MYO15A: variants seen among roughly 807,000 people sequenced by gnomAD.
The protein encoded by MYO15A is myosin XVA, also known as unconventional myosin-XV.
MYO15A carries 308 observed loss-of-function variants against 394.6 expected under a neutral mutation model. That is an observed-to-expected ratio of 0.78 (90% CI 0.71 to 0.86). The LOEUF (loss-of-function observed/expected upper bound fraction) is 0.86. MYO15A is among the 40% of genes least tolerant of loss of function. MYO15A has a pLI of 0.00. For missense variants in MYO15A, 4,606 were observed against 4,799.1 expected (o/e 0.96, Z 1.19); for synonymous variants, 1,957 against 2,003.8 (o/e 0.98, Z 0.62).
intron 64 of MYO15A, 162 bp from the exon 65 acceptor site, chr17:18,173,619 G>A (rs914032849): frequency 5.7e-6 from 5 of 871,014 alleles, no homozygotes; most frequent in Non-Finnish European, 9.5e-6. Context: ...GTCCAGAGAG[G>A]TAAAGTGATT....
chr17:18,173,282 C>T (rs1454171494), intron 64 of MYO15A, among the ~76,000 whole-genome samples: 1 of 152,174 alleles, frequency 6.6e-6, no homozygotes, highest in East Asian at 1.9e-4. Context: ...AAGTTTGCTT[C>T]CTGGGCCAGA....
intron 17 of MYO15A, among the ~76,000 whole-genome samples, chr17:18,138,570 T>C (rs1008728096): frequency 1.4e-4 from 21 of 152,206 alleles, no homozygotes; most frequent in African/African-American, 5.1e-4. Flanking sequence ...GCAGTTGGCC[T>C]GGAGGGGAGG....
intron 1 of MYO15A, among the ~76,000 whole-genome samples, chr17:18,111,341 G>GAAAAAAAAAAAAAAAAAAAAAAAAAAA (rs57095827): frequency 8.4e-6 from 1 of 118,950 alleles, no homozygotes. Flanking sequence ...TCTCAAAAGA[G>GAAAAAAAAAAAAAAAAAAAAAAAAAAA]AAAAAAAAAA....
intron 61 of MYO15A, 63 bp from the exon 62 acceptor site, chr17:18,167,527 C>A: frequency 6.3e-7 from 1 of 1,597,954 alleles, no homozygotes. Flanking sequence ...CCCCAGGTCC[C>A]CTGCAGCCAA....
intron 8 of MYO15A, 26 bp from the exon 9 acceptor site, chr17:18,131,213 T>G: frequency 2.0e-6 from 3 of 1,516,186 alleles, no homozygotes; most frequent in Non-Finnish European, 2.7e-6. Flanking sequence ...AGCCCCTCAA[T>G]TCCCACATCT....
At position 18,118,970 on chromosome 17, in the gene MYO15A, C is replaced by T. The variant is rs770052089; in HGVS notation, c.170C>T (p.Ser57Leu). The T allele has an allele frequency of 1.9e-6, 3 of 1,613,070 alleles. No homozygotes were observed. Among genetic ancestry groups the T allele is most frequent in the Non-Finnish European group, 8.5e-7 (1 of 1,179,994 alleles). Residue 57 changes from serine to leucine, a missense_variant, in exon 2 of 66, where the codon TCG (serine) becomes TTG (leucine). Physicochemically the swap from Ser to Leu is moderately radical, Grantham distance 145. Coordinates refer to ENST00000647165, the MANE Select transcript of MYO15A (RefSeq NM_016239.4). ...ISKKGQFRSA[S>L]AFFWGLHTGP... ...AAGAAGGGCCAGTTCCGCAGCGCCTCGGCCTTCTTCTGGGGCCTCCACACC... is the reference window on the plus strand; with the variant it reads ...AAGAAGGGCCAGTTCCGCAGCGCCTTGGCCTTCTTCTGGGGCCTCCACACC...
At position 18,120,914 on chromosome 17, in the gene MYO15A, C is replaced by A; in HGVS notation, c.2114C>A (p.Ala705Asp). 3.5e-6 allele frequency: 5 copies of A among 1,444,632 alleles called. No homozygotes were observed. In the South Asian group the frequency reaches 6.6e-5, roughly 19 times the overall value. 89.5% of individuals were successfully genotyped at this position (1,444,632 alleles called of 1,614,324 possible). A position where few individuals can be genotyped will look rare whatever the true frequency, so the allele number is the denominator to read the frequency against. Reference protein sequence around the residue: ...GSLRRHPPPWAAPAHVPPAPQ... With the variant: ...GSLRRHPPPWDAPAHVPPAPQ... Reference sequence around the variant, plus strand: ...CTCCGCCGCCACCCGCCGCCCTGGGCCGCCCCAGCGCACGTGCCACCGGCG... The same window carrying A: ...CTCCGCCGCCACCCGCCGCCCTGGGACGCCCCAGCGCACGTGCCACCGGCG... Residue 705 changes from alanine (A) to aspartate (D), a missense_variant, in exon 2 of 66, where the codon GCC becomes GAC. Ala to Asp is a moderately radical substitution (Grantham distance 126, BLOSUM62 -2). Transcript: ENST00000647165.
chr17:18,166,671 C>A, intron 61 of MYO15A, 150 bp downstream of exon 61: 1 of 1,136,682 alleles, frequency 8.8e-7, no homozygotes, highest in Non-Finnish European at 1.3e-6. Context: ...CCTATGTGGT[C>A]TCTTTGGAGA....
chr17:18,144,116 G>C (rs2046434653), intron 28 of MYO15A, 116 bp downstream of exon 28: 1 of 1,497,282 alleles, frequency 6.7e-7, no homozygotes, highest in African/African-American at 1.4e-5. Context: ...TTGGGTATGA[G>C]CCTTTTAGTT....
At position 18,171,669 on chromosome 17, in the gene MYO15A, C is replaced by T. The variant is rs764888455; in HGVS notation, c.10114C>T (p.Leu3372Phe). 7 of 1,613,822 alleles carry T rather than the reference C, an allele frequency of 4.3e-6. No individual in the cohort carries two copies. Among genetic ancestry groups the T allele is most frequent in the African/African-American group, 1.3e-5 (1 of 74,952 alleles). Residue 3372 changes from leucine to phenylalanine, a missense_variant, in exon 63 of 66, where the codon CTC (leucine) becomes TTC (phenylalanine). By Grantham distance (22) the Leu-to-Phe change is conservative (BLOSUM62 0). Coordinates refer to ENST00000647165, the MANE Select transcript of MYO15A (RefSeq NM_016239.4). ...AGTCCAGGAGTACATCCCAGCCCAG[C>T]TCTACCGTACAACGGCAGGCTCGAC... is the stretch of plus-strand genomic sequence containing the variant. Reference protein sequence around the residue: ...REVQEYIPAQLYRTTAGSTWL... With the variant: ...REVQEYIPAQFYRTTAGSTWL...
rs1383966140 is a variant in MYO15A at position 18,158,609 on chromosome 17, G to T, written c.9054G>T (p.Lys3018Asn). ...ACACAATGCTCGAGTTTGCCCAGAA[G>T]TATTTCCGAGACCCTCAGAGGAGAC... Reference protein sequence around the residue: ...PPYTMLEFAQKYFRDPQRRPQ... With the variant: ...PPYTMLEFAQNYFRDPQRRPQ... Residue 3018 changes from lysine to asparagine, a missense_variant, in exon 52 of 66, where the codon AAG (lysine) becomes AAT (asparagine). Coordinates refer to ENST00000647165, the MANE Select transcript of MYO15A (RefSeq NM_016239.4). The T allele has an allele frequency of 1.2e-6, 2 of 1,614,082 alleles. No individual in the cohort carries two copies. The highest frequency in any genetic ancestry group is 1.3e-5 in the African/African-American group (1 of 74,928).
At chr17:18,124,052 T>C (rs2045987308) in intron 2 of MYO15A, 1 of 250,438 alleles carries the variant, frequency 4.0e-6, no homozygotes, top group Non-Finnish European at 8.1e-6. Context: ...AGCATGGGGT[T>C]GTGGTGCTAA....
At chr17:18,173,714 A>T in intron 64 of MYO15A, 67 bp from the exon 65 acceptor site, 1 of 1,605,280 alleles carries the variant, frequency 6.2e-7, no homozygotes, top group Non-Finnish European at 8.5e-7. Flanking sequence ...TTTGCAGGGC[A>T]GGGGTAAGAG....
In MYO15A at chr17:18,124,525, C is replaced by G. The variant is rs373112966; in HGVS notation, c.3652C>G (p.Gln1218Glu). 24 of 1,613,052 alleles carry G rather than the reference C, an allele frequency of 1.5e-5. No homozygotes were observed. Among genetic ancestry groups the G allele is most frequent in the Non-Finnish European group, 1.9e-5 (23 of 1,180,008 alleles). ...RNLPSMRFRE[Q>E]HGEDGVEDMT... ...CCTGCCATCCATGCGGTTCCGTGAG[C>G]AGCACGGGGAGGATGGTGTGGAGGA... Residue 1218 changes from glutamine to glutamate, a missense_variant, in exon 3 of 66, where the codon CAG becomes GAG. By Grantham distance (29) the Gln-to-Glu change is conservative. Around this residue, in one of 2 missense-constraint regions of MYO15A, gnomAD observed 2,776 missense variants for 3,109.3 expected, o/e 0.89. Coordinates refer to ENST00000647165, the MANE Select transcript of MYO15A (RefSeq NM_016239.4).
At position 18,151,929 on chromosome 17, in the gene MYO15A, T is replaced by A. The variant is rs1210288586; in HGVS notation, c.7871T>A (p.Leu2624Gln). The change falls in exon 41 of 66, where the codon CTG (leucine) becomes CAG (glutamine). Residue 2624 changes from leucine (L) to glutamine (Q), a missense_variant. Coordinates refer to ENST00000647165, the MANE Select transcript of MYO15A (RefSeq NM_016239.4). ...ATCCTGAAAGGGCAGATGACCCACC[T>A]GGCAGCTGCACCTGGCACCCAGGTG... ...LMILKGQMTH[L>Q]AAAPGTQVSR... The A allele has an allele frequency of 6.4e-7, 1 of 1,564,062 alleles. No individual in the cohort carries two copies. Among genetic ancestry groups the A allele is most frequent in the Admixed American group, 1.9e-5 (1 of 51,686 alleles).
intron 23 of MYO15A, 139 bp downstream of exon 23, chr17:18,141,909 C>A (rs1413279234): frequency 1.7e-6 from 2 of 1,192,216 alleles, no homozygotes; most frequent in Non-Finnish European, 2.5e-6. Flanking sequence ...TGCTAACTAC[C>A]TGATTCACCA....
chr17:18,133,323 C>G lies in MYO15A; in HGVS notation c.4419C>G (p.Asp1473Glu). ...EVLGFSSEDQDSIFRILASIL... is the reference protein window; with the variant it reads ...EVLGFSSEDQESIFRILASIL... ...TGGGCTTCAGCAGTGAGGACCAGGA[C>G]AGCATCTTCCGCATCCTGGCCTCCA... Residue 1473 changes from aspartate to glutamate, a missense_variant, in exon 12 of 66, where the codon GAC (aspartate) becomes GAG (glutamate). Physicochemically the swap from Asp to Glu is conservative, Grantham distance 45. Coordinates refer to ENST00000647165, the MANE Select transcript of MYO15A (RefSeq NM_016239.4). The G allele has an allele frequency of 6.2e-7, 1 of 1,614,180 alleles. No homozygotes were observed. Among genetic ancestry groups the G allele is most frequent in the Non-Finnish European group, 8.5e-7 (1 of 1,180,024 alleles).
Position 18,120,331 on chromosome 17 carries a change from G to A in MYO15A, c.1531G>A (p.Asp511Asn). 1 of 1,612,292 alleles carries A rather than the reference G, an allele frequency of 6.2e-7. No individual in the cohort carries two copies. Among genetic ancestry groups the A allele is most frequent in the Non-Finnish European group, 8.5e-7 (1 of 1,179,970 alleles). ...LDIPLPLGDA[D>N]EEEDEEELPP... The stretch of plus-strand genomic sequence containing the variant: ...CATTCCTCTCCCCTTGGGGGATGCG[G>A]ACGAAGAAGAGGACGAGGAGGAGCT... The change falls in exon 2 of 66, where the codon GAC becomes AAC. Residue 511 changes from aspartate to asparagine, a missense_variant. Asp to Asn is a conservative substitution (Grantham distance 23, BLOSUM62 1). Around this residue, in one of 2 missense-constraint regions of MYO15A, gnomAD observed 1,830 missense variants for 1,689.7 expected, o/e 1.08. Transcript: ENST00000647165.
intron 7 of MYO15A, among the ~76,000 whole-genome samples, chr17:18,128,278 G>A (rs1195440786): frequency 6.6e-6 from 1 of 152,164 alleles, no homozygotes; most frequent in East Asian, 1.9e-4. Context: ...ATGGCAGGGA[G>A]GTGATGGATG....
Sources: allele counts gnomAD v4.1 joint callset (sites outside exome capture counted in the v4.1 genomes callset), GRCh38; gene constraint gnomAD v4.1.1; regional missense constraint gnomAD v4.1.1; transcripts MANE v1.5; gene names NCBI Gene and HGNC (gene_info 2026-07-23, HGNC 2026-07-21).